NCKAP1L: variants seen among roughly 807,000 people sequenced by gnomAD.
NCKAP1L encodes the protein nck-associated protein 1-like.
NCKAP1L carries 53 observed loss-of-function variants against 139.2 expected under a neutral mutation model. The observed-to-expected ratio is 0.38, with a 90% CI of 0.31 to 0.48. The LOEUF (loss-of-function observed/expected upper bound fraction) is 0.48, where lower values mean the gene tolerates loss of function less well. Ranked by LOEUF, NCKAP1L falls within the 20% of genes least tolerant of loss-of-function variation. The pLI is 0.98. For missense variants in NCKAP1L, 1,151 were observed against 1,381.9 expected (o/e 0.83, Z 2.65); for synonymous variants, 468 against 499.7 (o/e 0.94, Z 0.85).
At chr12:54,499,145 C>A (rs528511518) in intron 1 of NCKAP1L, among the ~76,000 whole-genome samples, 1 of 152,010 alleles carries the variant, frequency 6.6e-6, no homozygotes, top group Non-Finnish European at 1.5e-5. Context: ...AGGCTGGTCT[C>A]GAACTTCTGA....
At chr12:54,519,893 T>A (rs939067464) in intron 16 of NCKAP1L, among the ~76,000 whole-genome samples, 44 of 151,530 alleles carry the variant, frequency 2.9e-4, no homozygotes, top group Non-Finnish European at 4.3e-4. Flanking sequence ...TTTTTTTTTT[T>A]ACTCTAGGAA....
intron 3 of NCKAP1L, among the ~76,000 whole-genome samples, chr12:54,501,902 T>C (rs1249390): frequency 0.21 from 31,582 of 152,182 alleles, 4,284 homozygotes; most frequent in East Asian, 0.72. Context: ...CCAACAATTG[T>C]TATTTCGTTT....
At chr12:54,497,915 T>G (rs762997646) in intron 1 of NCKAP1L, 24 bp downstream of exon 1, 7 of 1,432,086 alleles carry the variant, frequency 4.9e-6, no homozygotes, top group Non-Finnish European at 6.9e-6. Context: ...ATGGGACTAG[T>G]ACTGATTATT....
chr12:54,503,774 G>T (rs113236749), intron 3 of NCKAP1L, among the ~76,000 whole-genome samples: 2,573 of 151,880 alleles, frequency 0.017, 83 homozygotes, highest in African/African-American at 0.059. Context: ...GAGTAGCTGG[G>T]ATTACAGGCA....
At position 54,528,160 on chromosome 12, in the gene NCKAP1L, C is replaced by G. The variant is rs547337807; in HGVS notation, c.2376-87C>G. On this transcript the variant is annotated intron_variant, in intron 21 of 30. Coordinates refer to ENST00000293373, the MANE Select transcript of NCKAP1L (RefSeq NM_005337.5). ...TACCCCAGTCTTTTGCAGAGTTTTT[C>G]TTTCTGAGCTCAGTGGTAGTAGTAG... 5.0e-5 allele frequency: 75 copies of G among 1,495,432 alleles called. No homozygotes were observed. The African/African-American group carries it at 9.1e-4, about 18-fold the overall frequency. 92.6% of individuals were successfully genotyped at this position (1,495,432 alleles called of 1,614,324 possible).
intron 3 of NCKAP1L, 75 bp downstream of exon 3, chr12:54,500,700 T>G: frequency 1.0e-6 from 1 of 961,880 alleles, no homozygotes; most frequent in East Asian, 2.4e-5. Context: ...GTTCATGTAT[T>G]TGCTTAAAAC....
chr12:54,539,591 C>CT (rs1245143718), intron 30 of NCKAP1L, among the ~76,000 whole-genome samples: 6 of 152,124 alleles, frequency 3.9e-5, no homozygotes, highest in African/African-American at 1.2e-4. Flanking sequence ...TCCTCATGGC[C>CT]CTGTTTCCCT....
At chr12:54,523,750 A>C in intron 19 of NCKAP1L, 75 bp from the exon 20 acceptor site, 1 of 1,546,942 alleles carries the variant, frequency 6.5e-7, no homozygotes, top group Non-Finnish European at 8.7e-7. Context: ...AAACTGGGTC[A>C]TGGGCCCAAC....
At chr12:54,533,584 T>C (rs1957090699) in intron 26 of NCKAP1L, among the ~76,000 whole-genome samples, 1 of 152,088 alleles carries the variant, frequency 6.6e-6, no homozygotes, top group African/African-American at 2.4e-5. Context: ...ATTCTTTTTT[T>C]TTTTCTTGAG....
At position 54,518,618 on chromosome 12, in the gene NCKAP1L, C is replaced by T. The variant is rs767248794; in HGVS notation, c.1339-33C>T. 5.1e-6 allele frequency: 8 copies of T among 1,561,134 alleles called. No homozygotes were observed. The South Asian group carries it at 7.8e-5, about 15-fold the overall frequency. On this transcript the variant is annotated intron_variant, in intron 13 of 30. Transcript: ENST00000293373. Reference sequence around the variant, plus strand: ...TAGTTTCTGTCCTAGGGAACCTGTGCCCACTTGACAGTAACTGCAGCTCCT... The same window carrying T: ...TAGTTTCTGTCCTAGGGAACCTGTGTCCACTTGACAGTAACTGCAGCTCCT...
At position 54,544,289 on chromosome 12, in the gene NCKAP1L, A is replaced by T. The variant is rs1397601154; in HGVS notation, c.*1604A>T. 1 of 152,120 alleles carries T rather than the reference A, an allele frequency of 6.6e-6. No individual in the cohort carries two copies. Among genetic ancestry groups the T allele is most frequent in the African/African-American group, 2.4e-5 (1 of 41,426 alleles). The allele number at this position is 152,120 out of a possible 1,614,324, so 9.4% of individuals were successfully genotyped here. ...AGAAGTATCTGAACAACTACTCTAT[A>T]TGTTTATATTTTTCTGCTTGAGGGG... On this transcript the variant is annotated 3_prime_UTR_variant, in exon 31 of 31. Coordinates refer to ENST00000293373, the MANE Select transcript of NCKAP1L (RefSeq NM_005337.5).
At position 54,516,276 on chromosome 12, in the gene NCKAP1L, G is replaced by A. The variant is rs149685520; in HGVS notation, c.979G>A (p.Glu327Lys). 1 of 1,613,976 alleles carries A rather than the reference G, an allele frequency of 6.2e-7. No individual in the cohort carries two copies. The highest frequency in any genetic ancestry group is 8.5e-7 in the Non-Finnish European group (1 of 1,179,972). Residue 327 changes from glutamate to lysine, a missense_variant, in exon 10 of 31, where the codon GAA (glutamate) becomes AAA (lysine). Glu to Lys is a moderately conservative substitution (Grantham distance 56). Coordinates refer to ENST00000293373, the MANE Select transcript of NCKAP1L (RefSeq NM_005337.5). ...KRVADIKESK[E>K]HVIANSGQFH... is the part of the protein sequence containing the mutation. Reference sequence around the variant, plus strand: ...AGTGGCAGACATAAAGGAGAGCAAGGAACATGTAATTGCAAACAGGTAAAG... The same window carrying A: ...AGTGGCAGACATAAAGGAGAGCAAGAAACATGTAATTGCAAACAGGTAAAG...
Position 54,542,752 on chromosome 12 carries a change from G to A in NCKAP1L, c.*67G>A. ...AAACCCTTGCCATAGTGGAAGCTGT[G>A]GTCACTTTCGCAGGGGGTGGGAATG... On this transcript the variant is annotated 3_prime_UTR_variant, in exon 31 of 31. Coordinates refer to ENST00000293373, the MANE Select transcript of NCKAP1L (RefSeq NM_005337.5). The A allele has an allele frequency of 9.0e-7, 1 of 1,113,882 alleles. No individual in the cohort carries two copies. The allele number at this position is 1,113,882 out of a possible 1,614,324, so 69.0% of individuals were successfully genotyped here. A position where few individuals can be genotyped will look rare whatever the true frequency, so the allele number is the denominator to read the frequency against.
chr12:54,539,480 G>T (rs182799811), intron 30 of NCKAP1L, among the ~76,000 whole-genome samples: 363 of 152,348 alleles, frequency 2.4e-3, no homozygotes, highest in African/African-American at 8.6e-3. Context: ...GAATCAGGCA[G>T]CTCCTGCTGT....
chr12:54,508,436 T>C lies in NCKAP1L; in HGVS notation c.411T>C (p.Thr137=), dbSNP rs757725963. 1 of 1,614,104 alleles carries C rather than the reference T, an allele frequency of 6.2e-7. No individual in the cohort carries two copies. The highest frequency in any genetic ancestry group is 8.5e-7 in the Non-Finnish European group (1 of 1,179,926). The change falls in exon 5 of 31, where the codon ACT becomes ACC. Residue 137 remains threonine, a synonymous_variant. Coordinates refer to ENST00000293373, the MANE Select transcript of NCKAP1L (RefSeq NM_005337.5). The part of the protein sequence containing the change: ...FTRSYLDLIV[T]YTSVILLLSR... ...GGAGTTACCTGGACTTGATTGTAAC[T>C]TACACCTCAGTCATTTTACTTCTGT... is the stretch of plus-strand genomic sequence containing the variant.
intron 26 of NCKAP1L, among the ~76,000 whole-genome samples, chr12:54,533,122 G>A (rs1339895397): frequency 6.6e-6 from 1 of 152,222 alleles, no homozygotes; most frequent in African/African-American, 2.4e-5. Flanking sequence ...TGAGGGGGCA[G>A]TGTTTCACTA....
At chr12:54,536,294 C>T in intron 28 of NCKAP1L, 49 bp downstream of exon 28, 1 of 1,302,026 alleles carries the variant, frequency 7.7e-7, no homozygotes, top group Non-Finnish European at 1.1e-6. Context: ...AGTTAGTGTC[C>T]TGGGGTAGAG....
intron 20 of NCKAP1L, 80 bp from the exon 21 acceptor site, chr12:54,526,448 A>G: frequency 8.8e-7 from 1 of 1,137,284 alleles, no homozygotes; most frequent in Non-Finnish European, 1.3e-6. Flanking sequence ...CAGCACCTGG[A>G]ACACAATATA....
intron 14 of NCKAP1L, 31 bp downstream of exon 14, chr12:54,518,763 A>G (rs371145327): frequency 1.9e-6 from 3 of 1,569,288 alleles, no homozygotes; most frequent in South Asian, 1.1e-5. Context: ...GAGGCAGGAC[A>G]TATGTGAGGA....
Sources: gnomAD v4.1 joint callset for allele counts (sites outside exome capture counted in the v4.1 genomes callset) on GRCh38, gnomAD v4.1.1 for gene constraint, MANE v1.5 for transcripts, NCBI Gene and HGNC (gene_info 2026-07-23, HGNC 2026-07-21) for gene names.